FRMD4B: variants seen among roughly 807,000 people sequenced by gnomAD.
The protein encoded by FRMD4B is FERM domain-containing protein 4B.
Under a neutral mutation model 141.5 loss-of-function variants are expected in FRMD4B, and 74 were observed. The ratio of observed to expected loss-of-function variants is 0.52; its 90% CI spans 0.43 to 0.63. FRMD4B has a LOEUF of 0.63. Among genes scored for constraint, FRMD4B ranks in the 30% least tolerant of loss-of-function variants. The pLI is 0.00. For synonymous variants in FRMD4B, 506 were observed against 467.9 expected, an observed-to-expected ratio of 1.08 and a Z score of -1.05; for missense variants, 1,366 against 1,253.4, an observed-to-expected ratio of 1.09 and a Z score of -1.36.
At chr3:69,486,919 A>C (rs1706224509) in intron 1 of FRMD4B, among the ~76,000 whole-genome samples, 1 of 152,162 alleles carries the variant, frequency 6.6e-6, no homozygotes, top group Admixed American at 6.5e-5. Context: ...AAACAGGATA[A>C]ATAAAAGACA....
At chr3:69,216,500 C>T (rs923520746) in intron 10 of FRMD4B, among the ~76,000 whole-genome samples, 151 bp from the exon 11 acceptor site, 4 of 145,202 alleles carry the variant, frequency 2.8e-5, no homozygotes, top group African/African-American at 1.0e-4. Flanking sequence ...GGCATGATCT[C>T]GGCTCACTGC....
intron 21 of FRMD4B, among the ~76,000 whole-genome samples, chr3:69,179,090 G>C (rs1023459402): frequency 1.3e-5 from 2 of 152,064 alleles, no homozygotes; most frequent in African/African-American, 4.8e-5. Flanking sequence ...ACAGAAATGA[G>C]GGGAATTCCA....
chr3:69,344,153 G>C (rs923926332), intron 1 of FRMD4B, among the ~76,000 whole-genome samples: 1 of 152,284 alleles, frequency 6.6e-6, no homozygotes, highest in African/African-American at 2.4e-5. Context: ...TTTCTTCATG[G>C]ACAGCATCTC....
intron 1 of FRMD4B, among the ~76,000 whole-genome samples, chr3:69,324,304 C>G (rs2107297938): frequency 6.6e-6 from 1 of 152,358 alleles, no homozygotes; most frequent in South Asian, 2.1e-4. Context: ...GTAATTAATT[C>G]AGTGTGGAAA....
At chr3:69,528,750 A>G (rs568231536) in intron 1 of FRMD4B, among the ~76,000 whole-genome samples, 60 of 152,136 alleles carry the variant, frequency 3.9e-4, no homozygotes, top group Middle Eastern at 3.4e-3. Context: ...AGGTCATCCC[A>G]GGAAACAATA....
chr3:69,297,488 A>AAAC (rs1163525191), intron 4 of FRMD4B, among the ~76,000 whole-genome samples: 1 of 152,140 alleles, frequency 6.6e-6, no homozygotes, highest in Admixed American at 6.5e-5. Context: ...ATGAAATGAA[A>AAAC]AACAACAACA....
chr3:69,367,194 C>T (rs1457943274), intron 1 of FRMD4B, among the ~76,000 whole-genome samples: 1 of 152,028 alleles, frequency 6.6e-6, no homozygotes, highest in Non-Finnish European at 1.5e-5. Flanking sequence ...TACACAAGAG[C>T]CTGGATCAAA....
chr3:69,518,972 A>T (rs1432109269), intron 1 of FRMD4B, among the ~76,000 whole-genome samples: 1 of 152,194 alleles, frequency 6.6e-6, no homozygotes, highest in Admixed American at 6.5e-5. Context: ...TTCTGTGTTG[A>T]CACCTCAGAT....
intron 1 of FRMD4B, among the ~76,000 whole-genome samples, chr3:69,350,865 A>G (rs1170081099): frequency 6.6e-6 from 1 of 151,576 alleles, no homozygotes; most frequent in African/African-American, 2.4e-5. Flanking sequence ...TAGCATTAGG[A>G]GATATACCTA....
chr3:69,193,452 G>A (rs912227879), intron 17 of FRMD4B, among the ~76,000 whole-genome samples, 196 bp downstream of exon 17: 23 of 152,198 alleles, frequency 1.5e-4, no homozygotes, highest in Non-Finnish European at 2.6e-4. Context: ...AGTTTGCAGT[G>A]AGCCGAGATT....
At chr3:69,440,870 T>A (rs771730567) in intron 1 of FRMD4B, among the ~76,000 whole-genome samples, 11 of 152,240 alleles carry the variant, frequency 7.2e-5, no homozygotes, top group Non-Finnish European at 1.6e-4. Flanking sequence ...GGGATTTTGC[T>A]TAGAACTACA....
chr3:69,346,538 C>T (rs1304610336), intron 1 of FRMD4B, among the ~76,000 whole-genome samples: 1 of 151,954 alleles, frequency 6.6e-6, no homozygotes, highest in Non-Finnish European at 1.5e-5. Context: ...GTCAGATTCA[C>T]CAAAGTTGAA....
rs548897341 is a variant in FRMD4B at position 69,367,994 on chromosome 3, T to A, written c.162+17834A>T. Among the ~76,000 whole-genome samples, 56 of 152,366 alleles carry A rather than the reference T, an allele frequency of 3.7e-4. No homozygotes were observed. The South Asian group carries it at 3.7e-3, about 10-fold the overall frequency. On this transcript the variant is annotated intron_variant, in intron 1 of 22. Transcript: ENST00000398540. ...TAGGTAATTTCACCTATATGACATA[T>A]ATCAGTATGTAAAACATGTTATAGT...
At chr3:69,517,991 C>T (rs1700792425) in intron 1 of FRMD4B, among the ~76,000 whole-genome samples, 1 of 152,142 alleles carries the variant, frequency 6.6e-6, no homozygotes, top group Admixed American at 6.5e-5. Context: ...TAACAAGTCC[C>T]CAAGAGATGC....
chr3:69,240,815 T>C (rs1358992327), intron 7 of FRMD4B, among the ~76,000 whole-genome samples: 1 of 152,216 alleles, frequency 6.6e-6, no homozygotes, highest in Non-Finnish European at 1.5e-5. Flanking sequence ...TGGAAATGCT[T>C]ATCAGCGGGG....
chr3:69,379,871 C>T (rs918500132), intron 1 of FRMD4B, among the ~76,000 whole-genome samples: 1 of 152,208 alleles, frequency 6.6e-6, no homozygotes, highest in Non-Finnish European at 1.5e-5. Context: ...TGTGAGCCAA[C>T]AAAACTTTAT....
At chr3:69,314,131 T>C (rs1329202025) in intron 1 of FRMD4B, among the ~76,000 whole-genome samples, 1 of 65,558 alleles carries the variant, frequency 1.5e-5, no homozygotes, top group East Asian at 5.7e-4. Flanking sequence ...AGAGCGAGAC[T>C]CCGTCTCAAA....
chr3:69,273,982 G>A (rs1055119312), intron 5 of FRMD4B, among the ~76,000 whole-genome samples: 1 of 151,960 alleles, frequency 6.6e-6, no homozygotes, highest in Non-Finnish European at 1.5e-5. Flanking sequence ...AAGGATGAGT[G>A]GAAATTTGCC....
At chr3:69,259,277 G>A (rs1228120944) in intron 5 of FRMD4B, among the ~76,000 whole-genome samples, 7 of 152,166 alleles carry the variant, frequency 4.6e-5, no homozygotes, top group Non-Finnish European at 1.0e-4. Flanking sequence ...CTGACAGGAG[G>A]CAGAGCTCAG....
Sources: gnomAD v4.1 joint callset for allele counts (sites outside exome capture counted in the v4.1 genomes callset) on GRCh38, gnomAD v4.1.1 for gene constraint, MANE v1.5 for transcripts, NCBI Gene and HGNC (gene_info 2026-07-23, HGNC 2026-07-21) for gene names.